The following SAMHD1 variants were observed in gnomAD, a reference collection of about 807,000 sequenced individuals.
SAMHD1 encodes deoxynucleoside triphosphate triphosphohydrolase SAMHD1.
Under a neutral mutation model 79.6 loss-of-function variants are expected in SAMHD1, and 54 were observed. The observed-to-expected ratio is 0.68, with a 90% CI of 0.55 to 0.85. The LOEUF is 0.85. Ranked by LOEUF, SAMHD1 falls within the 40% of genes least tolerant of loss-of-function variation. The pLI is 0.00. For synonymous variants in SAMHD1, 260 were observed against 264.1 expected (o/e 0.98, Z 0.15); for missense variants, 663 against 782.7 (o/e 0.85, Z 1.82).
intron 5 of SAMHD1, among the ~76,000 whole-genome samples, chr20:36,928,617 G>A (rs538093526): frequency 3.6e-4 from 54 of 151,734 alleles, no homozygotes; most frequent in African/African-American, 1.1e-3. Flanking sequence ...CCCGGGAGGC[G>A]GAGGTTGCAG....
At chr20:36,949,572 T>C (rs929678411) in intron 1 of SAMHD1, among the ~76,000 whole-genome samples, 4 of 150,068 alleles carry the variant, frequency 2.7e-5, no homozygotes, top group Non-Finnish European at 4.4e-5. Flanking sequence ...CTGGCCAACA[T>C]GGTGAAACCC....
At chr20:36,908,578 G>A (rs1326293562) in intron 11 of SAMHD1, among the ~76,000 whole-genome samples, 2 of 152,134 alleles carry the variant, frequency 1.3e-5, no homozygotes, top group Non-Finnish European at 2.9e-5. Context: ...AAGGTGTAAT[G>A]TGAAGTCTGT....
intron 6 of SAMHD1, 199 bp downstream of exon 6, chr20:36,926,983 G>C: frequency 1.8e-6 from 1 of 542,222 alleles, no homozygotes; most frequent in Non-Finnish European, 3.3e-6. Flanking sequence ...TGTAAAAAGG[G>C]AGATAACGAT....
chr20:36,898,598 A>T, intron 13 of SAMHD1, 54 bp from the exon 14 acceptor site: 1 of 1,333,380 alleles, frequency 7.5e-7, no homozygotes, highest in Non-Finnish European at 1.1e-6. Context: ...AACTGAACTC[A>T]GGGCTGTAGG....
intron 9 of SAMHD1, among the ~76,000 whole-genome samples, chr20:36,915,827 A>G (rs2063470922): frequency 6.6e-6 from 1 of 152,180 alleles, no homozygotes; most frequent in Admixed American, 6.5e-5. Flanking sequence ...TTCAGGTGTC[A>G]ACTGTATAAA....
At chr20:36,900,238 T>G (rs769383293) in intron 13 of SAMHD1, among the ~76,000 whole-genome samples, 1 of 152,180 alleles carries the variant, frequency 6.6e-6, no homozygotes, top group South Asian at 2.1e-4. Context: ...ACTACGACTA[T>G]AGTTAACAGT....
chr20:36,900,073 G>A (rs1256371233), intron 13 of SAMHD1, among the ~76,000 whole-genome samples: 15 of 144,878 alleles, frequency 1.0e-4, no homozygotes, highest in East Asian at 6.0e-4. Context: ...CAACCTGGGT[G>A]ACACAGTGAG....
chr20:36,925,110 C>T (rs6124452), intron 6 of SAMHD1, among the ~76,000 whole-genome samples: 2 of 148,446 alleles, frequency 1.3e-5, no homozygotes, highest in African/African-American at 2.5e-5. Context: ...GAGCCAAGAT[C>T]GCACCACTGC....
At chr20:36,935,211 A>T (rs1419878248) in intron 3 of SAMHD1, 22 bp from the exon 4 acceptor site, 24 of 1,596,742 alleles carry the variant, frequency 1.5e-5, no homozygotes, top group Non-Finnish European at 1.9e-5. Context: ...TGTTTAATTA[A>T]TACAAATAAC....
rs765124468 is a variant in SAMHD1, at chr20:36,892,910, G to A, written c.*22C>T. On this transcript the variant is annotated 3_prime_UTR_variant, in exon 16 of 16. Coordinates refer to ENST00000646673, the MANE Select transcript of SAMHD1 (RefSeq NM_015474.4). ...ATGAATTGTGCAGGAGAGGGAGTTT[G>A]TAAACAACTGACTACAGACATTCAC... The A allele has an allele frequency of 6.2e-7, 1 of 1,613,828 alleles. No individual in the cohort carries two copies. The highest frequency in any genetic ancestry group is 8.5e-7 in the Non-Finnish European group (1 of 1,179,892).
chr20:36,951,289 C>A (rs951321428), intron 1 of SAMHD1, 147 bp downstream of exon 1: 5 of 1,157,406 alleles, frequency 4.3e-6, no homozygotes, highest in Non-Finnish European at 3.6e-6. Context: ...CCTCGGCGCC[C>A]CCAGCGCAGG....
rs535754490 is a variant in SAMHD1 at position 36,948,953 on chromosome 20, C to T, written c.209-2149G>A. Among the ~76,000 whole-genome samples, 7 of 148,528 alleles carry T rather than the reference C, an allele frequency of 4.7e-5. No individual in the cohort carries two copies. The East Asian group carries it at 1.5e-3, about 31-fold the overall frequency. ...AGAAAGCTCCAATATCAGATATCTGCAAGAGGCTCAGGAATCAAACACATA... is the reference window on the plus strand; with the variant it reads ...AGAAAGCTCCAATATCAGATATCTGTAAGAGGCTCAGGAATCAAACACATA... On this transcript the variant is annotated intron_variant, in intron 1 of 15. Coordinates refer to ENST00000646673, the MANE Select transcript of SAMHD1 (RefSeq NM_015474.4).
Position 36,928,220 on chromosome 20 carries a change from T to G in SAMHD1, c.626-968A>C, listed in dbSNP as rs572864990. On this transcript the variant is annotated intron_variant, in intron 5 of 15. Transcript: ENST00000646673. ...CGGCCAACATGGTAAAAACCCTGTC[T>G]CTACTAAAAATACAAAAAATTAGCC... Among the ~76,000 whole-genome samples the G allele has an allele frequency of 4.0e-5, 6 of 149,484 alleles. No homozygotes were observed. The East Asian group carries it at 1.2e-3, about 30-fold the overall frequency.
Position 36,911,306 on chromosome 20 carries a change from ATC to A in SAMHD1, c.1180_1181del (p.Asp394Ter), listed in dbSNP as rs1180941945. ...CAGCACCTGTAATCTCTATGTAGTC[ATC>A]TGCTTTGAGGAAAGCATCTGTAATC... The part of the protein sequence containing the change: ...TMITDAFLKA[D>X]DYIEITGAGG... On this transcript the variant is annotated frameshift_variant, in exon 11 of 16. Coordinates refer to ENST00000646673, the MANE Select transcript of SAMHD1 (RefSeq NM_015474.4). LOFTEE classifies it high-confidence loss of function. 6.2e-7 allele frequency: 1 copy of A among 1,612,032 alleles called. No homozygotes were observed. The highest frequency in any genetic ancestry group is 8.5e-7 in the Non-Finnish European group (1 of 1,179,492).
Position 36,951,612 on chromosome 20 carries a change from T to TAA in SAMHD1, c.31_32insTT (p.Lys11IlefsTer56), listed in dbSNP as rs2063735443. The TAA allele has an allele frequency of 2.5e-6, 4 of 1,613,918 alleles. No individual in the cohort carries two copies. Among genetic ancestry groups the TAA allele is most frequent in the Non-Finnish European group, 2.5e-6 (3 of 1,179,990 alleles). The stretch of plus-strand genomic sequence containing the variant: ...CGGGCTGTCATCGCAACGGGGACGC[T>TAA]TGGAGGGCTGCTCGGAATCGGCTCG... On this transcript the variant is annotated frameshift_variant, in exon 1 of 16. Coordinates refer to ENST00000646673, the MANE Select transcript of SAMHD1 (RefSeq NM_015474.4). LOFTEE classifies it high-confidence loss of function.
intron 1 of SAMHD1, 48 bp downstream of exon 1, chr20:36,951,388 C>A (rs2063733449): frequency 1.2e-6 from 2 of 1,608,502 alleles, no homozygotes; most frequent in Non-Finnish European, 1.7e-6. Flanking sequence ...GCCTGGCCCG[C>A]GCCCCAGGTC....
chr20:36,899,625 T>C (rs1990264162), intron 13 of SAMHD1, among the ~76,000 whole-genome samples: 1 of 152,126 alleles, frequency 6.6e-6, no homozygotes, highest in Non-Finnish European at 1.5e-5. Flanking sequence ...GTGACTTTAC[T>C]AAGTGAGCAA....
At position 36,915,726 on chromosome 20, in the gene SAMHD1, G is replaced by A. The variant is rs548402103; in HGVS notation, c.1062+996C>T. Among the ~76,000 whole-genome samples, 13 of 149,408 alleles carry A rather than the reference G, an allele frequency of 8.7e-5. No individual in the cohort carries two copies. The East Asian group carries it at 2.6e-3, about 30-fold the overall frequency. ...TACCCCAGCCTAGGCAACAGTGGGA[G>A]ACTCCATCTCCAAAAAAAAAAAAAG... On this transcript the variant is annotated intron_variant, in intron 9 of 15. Coordinates refer to ENST00000646673, the MANE Select transcript of SAMHD1 (RefSeq NM_015474.4).
At position 36,891,016 on chromosome 20, in the gene SAMHD1, C is replaced by A. The variant is rs1188865571; in HGVS notation, c.*1916G>T. The A allele has an allele frequency of 6.6e-6, 1 of 152,120 alleles. No homozygotes were observed. Among genetic ancestry groups the A allele is most frequent in the Non-Finnish European group, 1.5e-5 (1 of 68,042 alleles). The allele number at this position is 152,120 out of a possible 1,614,324, so 9.4% of individuals were successfully genotyped here. ...TAACAGAAAAATATGACATTCCTGA[C>A]CTTAGGTCTGGGCACATGATGTCTG... On this transcript the variant is annotated 3_prime_UTR_variant, in exon 16 of 16. Transcript: ENST00000646673.
Sources: allele counts gnomAD v4.1 joint callset (sites outside exome capture counted in the v4.1 genomes callset), GRCh38; gene constraint gnomAD v4.1.1; transcripts MANE v1.5; gene names NCBI Gene and HGNC (gene_info 2026-07-23, HGNC 2026-07-21).